Variants in FRMPD4 observed in about 807,000 individuals in gnomAD.
The protein encoded by FRMPD4 is FERM and PDZ domain-containing protein 4.
FRMPD4 carries 22 observed loss-of-function variants against 94.1 expected under a neutral mutation model. The observed-to-expected ratio is 0.23, with a 90% CI of 0.17 to 0.33. The LOEUF (loss-of-function observed/expected upper bound fraction) is 0.33. FRMPD4 is among the 10% of genes least tolerant of loss of function. FRMPD4 has a pLI of 1.00. For synonymous variants in FRMPD4, 631 were observed against 548.6 expected, an observed-to-expected ratio of 1.15 and a Z score of -2.10; for missense variants, 1,111 against 1,339.9, an observed-to-expected ratio of 0.83 and a Z score of 2.67.
chrX:12,459,685 TATTC>T (rs771287647), intron 1 of FRMPD4, among the ~76,000 whole-genome samples: 45 of 112,331 alleles, frequency 4.0e-4, no homozygotes, highest in Non-Finnish European at 6.2e-4. Context: ...ATAATTTGTT[TATTC>T]ATTCAGAGTT....
At chrX:12,039,002 G>T (rs144074855) in intron 3 of FRMPD4, among the ~76,000 whole-genome samples, 1,321 of 106,159 alleles carry the variant, frequency 0.012, 7 homozygotes, top group South Asian at 0.019. Context: ...TTTGAGACAG[G>T]GTCTCACTCT....
chrX:12,506,239 C>T (rs764979015), intron 2 of FRMPD4, among the ~76,000 whole-genome samples: 130 of 111,702 alleles, frequency 1.2e-3, no homozygotes, highest in African/African-American at 4.1e-3. Flanking sequence ...AAGCTTTTCC[C>T]CTTCTTCTGT....
At chrX:12,205,380 T>A (rs2056680695) in intron 1 of FRMPD4, among the ~76,000 whole-genome samples, 1 of 111,661 alleles carries the variant, frequency 9.0e-6, no homozygotes, top group African/African-American at 3.3e-5. Context: ...GAAATATGAG[T>A]TAAGATTTTA....
chrX:11,944,395 A>G (rs2054178008), intron 3 of FRMPD4, among the ~76,000 whole-genome samples: 1 of 111,837 alleles, frequency 8.9e-6, no homozygotes, highest in Admixed American at 9.5e-5. Context: ...ACACCCACTA[A>G]TTTGCATCTT....
chrX:12,536,836 T>G (rs1446350941), intron 2 of FRMPD4, among the ~76,000 whole-genome samples: 1 of 111,872 alleles, frequency 8.9e-6, no homozygotes, highest in Non-Finnish European at 1.9e-5. Flanking sequence ...AGAGCCAGAA[T>G]TAGCATGAGG....
rs5979619 is a variant in FRMPD4 at position 12,417,679 on chromosome X, G to A, written c.42-81001G>A. 8.5e-3 allele frequency among the ~76,000 whole-genome samples: 901 copies of A among 106,031 alleles called. 15 individuals carry two copies. The highest frequency in any genetic ancestry group is 0.029 in the African/African-American group (839 of 29,119). 92.1% of individuals were successfully genotyped at this position (106,031 alleles called of 115,157 possible). A position where few individuals can be genotyped will look rare whatever the true frequency, so the allele number is the denominator to read the frequency against. On this transcript the variant is annotated intron_variant, in intron 1 of 16. Coordinates refer to ENST00000675598, the MANE Select transcript of FRMPD4 (RefSeq NM_001368397.1). ...ATTATCAGTGTAATTCATTTCCTTT[G>A]TAATTCTATGTGCTTTTATTCATTT...
chrX:12,495,142 G>A (rs2057832842), intron 1 of FRMPD4: 1 of 205,208 alleles, frequency 4.9e-6, no homozygotes, highest in African/African-American at 3.1e-5. Flanking sequence ...TTCTGGGAAG[G>A]TGTGACTGCT....
At chrX:12,560,321 G>C (rs757746626) in intron 2 of FRMPD4, among the ~76,000 whole-genome samples, 2 of 109,832 alleles carry the variant, frequency 1.8e-5, no homozygotes, top group South Asian at 7.9e-4. Context: ...TTGATGGAGG[G>C]GAAAGAAATC....
At chrX:12,343,329 G>A (rs1426476347) in intron 1 of FRMPD4, among the ~76,000 whole-genome samples, 1 of 111,996 alleles carries the variant, frequency 8.9e-6, no homozygotes, top group East Asian at 2.8e-4. Flanking sequence ...GGGAAATGCA[G>A]CAGAGCCCGG....
intron 1 of FRMPD4, among the ~76,000 whole-genome samples, chrX:12,251,796 T>C (rs1265936287): frequency 4.5e-5 from 5 of 111,949 alleles, no homozygotes; most frequent in Non-Finnish European, 9.4e-5. Flanking sequence ...TGCATGTGGC[T>C]GTGTTGCCTA....
intron 2 of FRMPD4, among the ~76,000 whole-genome samples, chrX:12,565,794 A>T (rs1293070429): frequency 8.9e-6 from 1 of 112,144 alleles, no homozygotes; most frequent in South Asian, 3.7e-4. Context: ...CAAATGTACC[A>T]TGCCAACATA....
chrX:11,841,001 T>A (rs751493083), intron 1 of FRMPD4, among the ~76,000 whole-genome samples: 1 of 106,875 alleles, frequency 9.4e-6, no homozygotes, highest in African/African-American at 3.4e-5. Context: ...GGTGTTTGGT[T>A]TTTTGTTCTT....
intron 2 of FRMPD4, among the ~76,000 whole-genome samples, chrX:12,534,525 G>A (rs2058318435): frequency 8.9e-6 from 1 of 112,451 alleles, no homozygotes; most frequent in African/African-American, 3.2e-5. Flanking sequence ...AGGCAGCCAG[G>A]AGAGAGGCTG....
intron 2 of FRMPD4, among the ~76,000 whole-genome samples, chrX:12,545,066 A>C (rs1160455093): frequency 9.0e-6 from 1 of 111,156 alleles, no homozygotes; most frequent in Non-Finnish European, 1.9e-5. Context: ...ACTCCTATTG[A>C]ATTCTCTACC....
chrX:11,948,632 A>G (rs1260609123), intron 3 of FRMPD4, among the ~76,000 whole-genome samples: 1 of 111,174 alleles, frequency 9.0e-6, no homozygotes, highest in Non-Finnish European at 1.9e-5. Flanking sequence ...GGCCTGACCT[A>G]GCAATGCCTG....
chrX:12,592,014 G>A (rs1426731677), intron 2 of FRMPD4, among the ~76,000 whole-genome samples: 1 of 111,524 alleles, frequency 9.0e-6, no homozygotes, highest in Non-Finnish European at 1.9e-5. Context: ...ACAGGTCGTA[G>A]GAACCAGAAC....
At chrX:12,454,820 T>TTG (rs1555968596) in intron 1 of FRMPD4, among the ~76,000 whole-genome samples, 5 of 106,990 alleles carry the variant, frequency 4.7e-5, no homozygotes, top group Admixed American at 1.0e-4. Context: ...GCCACGTTTT[T>TTG]TTTTTTTTTT....
At chrX:12,560,082 T>A (rs2058637323) in intron 2 of FRMPD4, among the ~76,000 whole-genome samples, 1 of 112,237 alleles carries the variant, frequency 8.9e-6, no homozygotes, top group East Asian at 2.8e-4. Context: ...GAAAAAATAT[T>A]GGTTTAGCTC....
rs750172632 is a variant in FRMPD4 at position 12,478,400 on chromosome X, C to T, written c.42-20280C>T. ...ACCAGCCTGGAAAACATAGCAAGAC[C>T]GTCCTCTCTGTAAAAAATAAAAATA... On this transcript the variant is annotated intron_variant, in intron 1 of 16. Transcript: ENST00000675598. Among the ~76,000 whole-genome samples the T allele has an allele frequency of 6.3e-5, 7 of 111,601 alleles. No individual in the cohort carries two copies. The East Asian group carries it at 1.7e-3, about 27-fold the overall frequency.
Sources: gnomAD v4.1 joint callset for allele counts (sites outside exome capture counted in the v4.1 genomes callset) on GRCh38, gnomAD v4.1.1 for gene constraint, MANE v1.5 for transcripts, NCBI Gene and HGNC (gene_info 2026-07-23, HGNC 2026-07-21) for gene names.